Variants in DYNC2I1 observed in about 807,000 individuals in gnomAD.
The protein encoded by DYNC2I1 is cytoplasmic dynein 2 intermediate chain 1.
DYNC2I1 carries 89 observed loss-of-function variants against 133.4 expected under a neutral mutation model. That is an observed-to-expected ratio of 0.67 (90% CI 0.56 to 0.80). DYNC2I1 has a LOEUF of 0.80. Among genes scored for constraint, DYNC2I1 ranks in the 30% least tolerant of loss-of-function variants. The pLI is 0.00. For missense variants in DYNC2I1, 1,291 were observed against 1,314.5 expected (o/e 0.98, Z 0.28); for synonymous variants, 504 against 484.3 (o/e 1.04, Z -0.54).
At chr7:158,926,005 G>A (rs765281064) in intron 17 of DYNC2I1, among the ~76,000 whole-genome samples, 182 bp from the exon 18 acceptor site, 1 of 152,226 alleles carries the variant, frequency 6.6e-6, no homozygotes, top group Non-Finnish European at 1.5e-5. Context: ...TCGTGGTCCT[G>A]TGTCAGTTGT....
intron 6 of DYNC2I1, 50 bp downstream of exon 6, chr7:158,884,669 G>T (rs776177374): frequency 2.5e-6 from 4 of 1,592,818 alleles, no homozygotes; most frequent in Admixed American, 1.7e-5. Context: ...CGCTCTCATG[G>T]AATGCTTCAG....
intron 10 of DYNC2I1, chr7:158,903,040 G>T (rs183026770): frequency 9.4e-5 from 15 of 160,324 alleles, no homozygotes; most frequent in Admixed American, 6.8e-4. Context: ...TTTTCCTGAT[G>T]ATGTGCTCCT....
chr7:158,939,853 CTG>C (rs928906080), intron 23 of DYNC2I1, among the ~76,000 whole-genome samples: 2 of 152,084 alleles, frequency 1.3e-5, no homozygotes, highest in Non-Finnish European at 2.9e-5. Context: ...AAATCAAAGA[CTG>C]TAAAAAATGA....
intron 14 of DYNC2I1, among the ~76,000 whole-genome samples, chr7:158,915,075 T>G (rs1177809975): frequency 7.8e-6 from 1 of 128,672 alleles, no homozygotes; most frequent in Non-Finnish European, 1.8e-5. Context: ...TAAGGATGAT[T>G]GTGAAACCTC....
intron 11 of DYNC2I1, among the ~76,000 whole-genome samples, chr7:158,910,564 T>C (rs1847327322): frequency 6.8e-6 from 1 of 147,902 alleles, no homozygotes; most frequent in African/African-American, 2.5e-5. Flanking sequence ...GTCAGGCCTG[T>C]GGGCTGAGGG....
At chr7:158,889,942 G>T (rs1489403342) in intron 7 of DYNC2I1, among the ~76,000 whole-genome samples, 1 of 146,088 alleles carries the variant, frequency 6.8e-6, no homozygotes, top group African/African-American at 2.5e-5. Context: ...GGAGGTGGAG[G>T]TTGCAGTGAG....
At position 158,926,284 on chromosome 7, in the gene DYNC2I1, C is replaced by A. The variant is rs752392647; in HGVS notation, c.2355C>A (p.Pro785=). ...VHKKQSFVLS[P]FSTQEEMSGL... ...AAAAGCAGAGCTTTGTGCTTTCACC[C>A]TTTTCTACTCAAGAAGGTACGTGAT... The change falls in exon 18 of 25, where the codon CCC becomes CCA. Residue 785 remains proline (P), a synonymous_variant. Transcript: ENST00000407559. 6.2e-7 allele frequency: 1 copy of A among 1,612,092 alleles called. No homozygotes were observed. The highest frequency in any genetic ancestry group is 1.7e-5 in the Admixed American group (1 of 59,748).
intron 4 of DYNC2I1, among the ~76,000 whole-genome samples, chr7:158,951,445 G>A (rs1014291425): frequency 3.3e-5 from 5 of 152,248 alleles, no homozygotes; most frequent in African/African-American, 4.8e-5. Flanking sequence ...ACAGGGAGAC[G>A]GGGTCCCCAG....
At chr7:158,912,891 C>A in intron 12 of DYNC2I1, 94 bp from the exon 13 acceptor site, 1 of 892,608 alleles carries the variant, frequency 1.1e-6, no homozygotes, top group Non-Finnish European at 1.7e-6. Flanking sequence ...TTGATACTTA[C>A]TTTTGACACA....
At chr7:158,845,266 CCA>C in the DYNC2I1 span, among the ~76,000 whole-genome samples, 7 of 151,712 alleles carry the variant, frequency 4.6e-5, no homozygotes, top group African/African-American at 1.7e-4. Context: ...GTATTTTTGG[CCA>C]CAAGATACCA....
intron 11 of DYNC2I1, among the ~76,000 whole-genome samples, chr7:158,909,241 G>GAATTGCTT (rs1847136572): frequency 7.0e-6 from 1 of 143,420 alleles, no homozygotes; most frequent in South Asian, 2.2e-4. Flanking sequence ...TGAGGCAGGA[G>GAATTGCTT]AATTGCTTGA....
At chr7:158,913,209 G>A in intron 13 of DYNC2I1, 113 bp downstream of exon 13, 1 of 815,012 alleles carries the variant, frequency 1.2e-6, no homozygotes, top group Non-Finnish European at 1.9e-6. Flanking sequence ...CTTCTGTATG[G>A]TTGTTAGCAT....
chr7:158,892,613 T>A (rs1012154675), intron 8 of DYNC2I1, among the ~76,000 whole-genome samples: 3 of 144,004 alleles, frequency 2.1e-5, no homozygotes, highest in Middle Eastern at 3.4e-3. Flanking sequence ...GGCTAAGACT[T>A]TATTTTTTTT....
At chr7:158,935,457 C>T (rs964221156) in intron 23 of DYNC2I1, among the ~76,000 whole-genome samples, 1 of 152,182 alleles carries the variant, frequency 6.6e-6, no homozygotes, top group African/African-American at 2.4e-5. Context: ...TCAGATATCC[C>T]CTTCTCTCAC....
intron 12 of DYNC2I1, 103 bp from the exon 13 acceptor site, chr7:158,912,882 T>G: frequency 1.3e-6 from 1 of 799,404 alleles, no homozygotes; most frequent in Non-Finnish European, 2.0e-6. Context: ...CTTTATGCTT[T>G]GATACTTACT....
intron 7 of DYNC2I1, 124 bp from the exon 8 acceptor site, chr7:158,891,141 G>GT (rs1845173938): frequency 9.9e-7 from 1 of 1,010,992 alleles, no homozygotes; most frequent in Admixed American, 1.8e-5. Context: ...TAGTTTCGTA[G>GT]TCTGTGCACC....
chr7:158,869,818 T>G, intron 1 of DYNC2I1, 37 bp from the exon 2 acceptor site: 1 of 1,026,626 alleles, frequency 9.7e-7, no homozygotes, highest in Non-Finnish European at 1.3e-6. Flanking sequence ...GAAAATAAAT[T>G]ATTTTAAACA....
intron 1 of DYNC2I1, among the ~76,000 whole-genome samples, chr7:158,857,909 G>C (rs745379541): frequency 7.3e-5 from 11 of 151,010 alleles, no homozygotes; most frequent in Non-Finnish European, 1.6e-4. Flanking sequence ...TCCTGCCTCA[G>C]CCTCCCGAGT....
chr7:158,929,475 C>T (rs551285224), intron 20 of DYNC2I1, among the ~76,000 whole-genome samples: 15 of 151,852 alleles, frequency 9.9e-5, no homozygotes, highest in South Asian at 4.2e-4. Context: ...TGGGCTATGG[C>T]GTGTAGGGGC....
Sources: allele counts gnomAD v4.1 joint callset (sites outside exome capture counted in the v4.1 genomes callset), GRCh38; gene constraint gnomAD v4.1.1; transcripts MANE v1.5; gene names NCBI Gene and HGNC (gene_info 2026-07-23, HGNC 2026-07-21).